Variants in GRIP2 observed in about 807,000 individuals in gnomAD.
The protein encoded by GRIP2 is glutamate receptor interacting protein 2.
GRIP2 carries 58 observed loss-of-function variants against 108.3 expected under a neutral mutation model. That is an observed-to-expected ratio of 0.54 (90% CI 0.43 to 0.67). The LOEUF (loss-of-function observed/expected upper bound fraction) is 0.67, where lower values mean the gene tolerates loss of function less well. GRIP2 is among the 30% of genes least tolerant of loss of function. GRIP2 has a pLI of 0.00. For synonymous variants in GRIP2, 586 were observed against 598.2 expected, an observed-to-expected ratio of 0.98 and a Z score of 0.30; for missense variants, 1,278 against 1,430.6, an observed-to-expected ratio of 0.89 and a Z score of 1.72.
Position 14,489,444 on chromosome 3 carries a change from C to T in GRIP2, c.*4221G>A, listed in dbSNP as rs985009939. The T allele has an allele frequency of 1.3e-5, 2 of 152,648 alleles. No homozygotes were observed. The highest frequency in any genetic ancestry group is 6.5e-5 in the Admixed American group (1 of 15,278). 9.5% of individuals were successfully genotyped at this position (152,648 alleles called of 1,614,324 possible). A position where few individuals can be genotyped will look rare whatever the true frequency, so the allele number is the denominator to read the frequency against. On this transcript the variant is annotated 3_prime_UTR_variant, in exon 24 of 24. Transcript: ENST00000621039. Reference sequence around the variant, plus strand: ...GGGCTTCCCGTCCAATCCCAGGACGCTCCTCAAAGGTAGGTATTTTCCCAG... The same window carrying T: ...GGGCTTCCCGTCCAATCCCAGGACGTTCCTCAAAGGTAGGTATTTTCCCAG...
intron 21 of GRIP2, among the ~76,000 whole-genome samples, chr3:14,497,903 C>T (rs1693658116): frequency 6.6e-6 from 1 of 152,060 alleles, no homozygotes; most frequent in African/African-American, 2.4e-5. Context: ...AGTATGTGGC[C>T]CTGAGGGAAA....
chr3:14,515,922 T>G (rs918446578), intron 11 of GRIP2, among the ~76,000 whole-genome samples: 1 of 152,178 alleles, frequency 6.6e-6, no homozygotes, highest in Admixed American at 6.6e-5. Flanking sequence ...TGAGCCACCA[T>G]GCCTGGCCTA....
chr3:14,551,387 G>A (rs986203230), intron 1 of GRIP2, among the ~76,000 whole-genome samples: 6 of 152,372 alleles, frequency 3.9e-5, no homozygotes, highest in Admixed American at 1.3e-4. Flanking sequence ...CATTCAGGGA[G>A]GAGCCTGGCA....
the GRIP2 span, among the ~76,000 whole-genome samples, chr3:14,581,658 G>A: frequency 6.6e-6 from 1 of 152,028 alleles, no homozygotes; most frequent in Admixed American, 6.5e-5. Context: ...CCAAAGCAAA[G>A]CCAACAGCCC....
chr3:14,524,386 C>A lies in GRIP2; in HGVS notation c.403+7G>T. 6.2e-7 allele frequency: 1 copy of A among 1,608,434 alleles called. No individual in the cohort carries two copies. The highest frequency in any genetic ancestry group is 1.3e-5 in the African/African-American group (1 of 74,998). ...GTGGAGAAAGTTCCCCGTCCAAGGG[C>A]ACCCACCGGGCGGGGGCAGCTCATA... is the stretch of plus-strand genomic sequence containing the variant. On this transcript the variant is annotated splice_region_variant and intron_variant, in intron 4 of 23. Transcript: ENST00000621039.
intron 1 of GRIP2, among the ~76,000 whole-genome samples, chr3:14,537,167 G>A (rs1694853600): frequency 6.7e-6 from 1 of 150,168 alleles, no homozygotes; most frequent in Non-Finnish European, 1.5e-5. Flanking sequence ...TCGACCCAAG[G>A]CCCACCAGAC....
chr3:14,569,689 C>T, the GRIP2 span, among the ~76,000 whole-genome samples: 1 of 152,184 alleles, frequency 6.6e-6, no homozygotes, highest in Admixed American at 6.5e-5. Flanking sequence ...CTCCACCACC[C>T]CCCTCTTGCT....
intron 16 of GRIP2, among the ~76,000 whole-genome samples, 169 bp downstream of exon 16, chr3:14,510,996 T>A (rs1694071948): frequency 6.6e-6 from 1 of 151,942 alleles, no homozygotes; most frequent in South Asian, 2.1e-4. Flanking sequence ...CCGGGGACAG[T>A]GAGAAATCTG....
chr3:14,494,905 T>C lies in GRIP2; in HGVS notation c.2908A>G (p.Thr970Ala). The C allele has an allele frequency of 6.2e-7, 1 of 1,613,904 alleles. No individual in the cohort carries two copies. Among genetic ancestry groups the C allele is most frequent in the Non-Finnish European group, 8.5e-7 (1 of 1,179,850 alleles). The change falls in exon 23 of 24, where the codon ACT becomes GCT. Residue 970 changes from threonine to alanine, a missense_variant. Physicochemically the swap from Thr to Ala is moderately conservative, Grantham distance 58 (BLOSUM62 0). Transcript: ENST00000621039. ...TGGGCTGGCCCATCAGGGCGCACAG[T>C]GTGGACATAGACACCTTTTTCCAGG... ...GLLEKGVYVH[T>A]VRPDGPAHRG...
chr3:14,577,671 T>C, the GRIP2 span, among the ~76,000 whole-genome samples: 1 of 152,232 alleles, frequency 6.6e-6, no homozygotes, highest in African/African-American at 2.4e-5. Context: ...AGACATGGCC[T>C]CTGGGAAGAC....
At chr3:14,563,083 G>A in the GRIP2 span, among the ~76,000 whole-genome samples, 1 of 152,160 alleles carries the variant, frequency 6.6e-6, no homozygotes, top group Admixed American at 6.5e-5. Flanking sequence ...AACCAAATGT[G>A]GCAAGGGACC....
intron 9 of GRIP2, among the ~76,000 whole-genome samples, chr3:14,518,792 C>T (rs1007872900): frequency 6.6e-5 from 10 of 152,322 alleles, no homozygotes; most frequent in Admixed American, 3.9e-4. Flanking sequence ...TGACCAACTG[C>T]GGGACCTGGA....
intron 1 of GRIP2, among the ~76,000 whole-genome samples, chr3:14,551,970 C>G (rs966618422): frequency 7.2e-5 from 11 of 152,298 alleles, no homozygotes; most frequent in South Asian, 2.1e-4. Flanking sequence ...TCAATAAATG[C>G]TTGGGAAACA....
the GRIP2 span, among the ~76,000 whole-genome samples, chr3:14,570,553 C>A: frequency 6.6e-6 from 1 of 152,264 alleles, no homozygotes; most frequent in Non-Finnish European, 1.5e-5. Context: ...TGGAAACAAA[C>A]ATTTGAGAAC....
intron 9 of GRIP2, 118 bp downstream of exon 9, chr3:14,519,992 G>A (rs1191885063): frequency 5.0e-6 from 5 of 990,674 alleles, no homozygotes; most frequent in Non-Finnish European, 7.3e-6. Context: ...GGCAAATGAG[G>A]ATTTGTCCTA....
chr3:14,579,654 C>T, the GRIP2 span, among the ~76,000 whole-genome samples: 1 of 151,412 alleles, frequency 6.6e-6, no homozygotes, highest in Non-Finnish European at 1.5e-5. Flanking sequence ...GTCAGGCCCA[C>T]CCAGGCTGGC....
intron 1 of GRIP2, among the ~76,000 whole-genome samples, chr3:14,530,087 G>A (rs1467637569): frequency 6.6e-6 from 1 of 152,194 alleles, no homozygotes; most frequent in Non-Finnish European, 1.5e-5. Flanking sequence ...GCACACCTTA[G>A]ATCACAAATC....
At chr3:14,585,254 C>G in the GRIP2 span, among the ~76,000 whole-genome samples, 481 of 152,358 alleles carry the variant, frequency 3.2e-3, 1 homozygote, top group African/African-American at 0.011. Flanking sequence ...AACTCCTGAC[C>G]TCGTGATGCA....
chr3:14,541,636 T>A (rs1391231944), upstream of GRIP2, among the ~76,000 whole-genome samples: 1 of 152,234 alleles, frequency 6.6e-6, no homozygotes, highest in African/African-American at 2.4e-5. Flanking sequence ...CTTTTGTATC[T>A]GCAAACTCAA....
Sources: allele counts gnomAD v4.1 joint callset (sites outside exome capture counted in the v4.1 genomes callset), GRCh38; gene constraint gnomAD v4.1.1; transcripts MANE v1.5; gene names NCBI Gene and HGNC (gene_info 2026-07-23, HGNC 2026-07-21).